Variants in SLC4A4 observed in about 807,000 individuals in gnomAD.
SLC4A4 encodes solute carrier family 4 member 4.
In SLC4A4, 27 loss-of-function variants were observed where a neutral mutation model predicts 111.5. The observed-to-expected ratio is 0.24, with a 90% confidence interval of 0.18 to 0.33. The LOEUF (loss-of-function observed/expected upper bound fraction) is 0.33, where lower values mean the gene tolerates loss of function less well. Ranked by LOEUF, SLC4A4 falls within the 10% of genes least tolerant of loss-of-function variation. The pLI, the probability that SLC4A4 is intolerant of heterozygous loss-of-function variation, is 1.00. For synonymous variants in SLC4A4, 443 were observed against 463.4 expected, an observed-to-expected ratio of 0.96 and a Z score of 0.57; for missense variants, 909 against 1,315.5, an observed-to-expected ratio of 0.69 and a Z score of 4.78.
intron 1 of SLC4A4, among the ~76,000 whole-genome samples, chr4:71,188,655 T>A (rs1371516258): frequency 1.3e-5 from 2 of 152,204 alleles, no homozygotes; most frequent in African/African-American, 4.8e-5. Context: ...TTGGGCTTTT[T>A]TTTTTCATTG....
At chr4:71,188,448 T>C (rs895350684) in intron 1 of SLC4A4, among the ~76,000 whole-genome samples, 2 of 152,190 alleles carry the variant, frequency 1.3e-5, no homozygotes, top group African/African-American at 4.8e-5. Context: ...CCTGGTTCGC[T>C]TCAGTGCCCT....
intron 3 of SLC4A4, among the ~76,000 whole-genome samples, chr4:71,264,681 A>C (rs1187180187): frequency 6.6e-6 from 1 of 152,078 alleles, no homozygotes; most frequent in African/African-American, 2.4e-5. Context: ...TCCTAAGTCA[A>C]TTATTTGTCT....
intron 6 of SLC4A4, among the ~76,000 whole-genome samples, chr4:71,394,402 G>T (rs1246691757): frequency 6.6e-6 from 1 of 152,078 alleles, no homozygotes; most frequent in Admixed American, 6.6e-5. Context: ...TGAAAAAAAT[G>T]CCCAACATCA....
At chr4:71,201,346 G>A (rs910752484) in intron 1 of SLC4A4, among the ~76,000 whole-genome samples, 20 of 152,192 alleles carry the variant, frequency 1.3e-4, no homozygotes, top group African/African-American at 4.6e-4. Context: ...GGCTGCCTCT[G>A]GAGAGGGGTG....
In SLC4A4 at chr4:71,231,535, G is replaced by A. The variant is rs533900111; in HGVS notation, c.-1-5041G>A. On this transcript the variant is annotated intron_variant, in intron 1 of 25. Transcript: ENST00000264485. The stretch of plus-strand genomic sequence containing the variant: ...GAATAAGAAAAACCTTGCTTTGGGT[G>A]TGGACTTCTGTAGAAAGGGTATAAC... 7.8e-4 allele frequency among the ~76,000 whole-genome samples: 119 copies of A among 152,342 alleles called. 3 individuals are homozygous for A. The South Asian group carries it at 0.024, about 31-fold the overall frequency.
intron 3 of SLC4A4, among the ~76,000 whole-genome samples, chr4:71,322,637 T>C (rs1473541537): frequency 6.6e-6 from 1 of 152,010 alleles, no homozygotes; most frequent in Non-Finnish European, 1.5e-5. Flanking sequence ...GTGTTCACTC[T>C]TAAGCAGAGT....
intron 3 of SLC4A4, among the ~76,000 whole-genome samples, chr4:71,271,437 A>C (rs1722694827): frequency 6.6e-6 from 1 of 152,204 alleles, no homozygotes; most frequent in African/African-American, 2.4e-5. Context: ...CTCACATTCT[A>C]CAAAAGATTT....
At chr4:71,452,982 G>A (rs544530007) in intron 11 of SLC4A4, among the ~76,000 whole-genome samples, 71 of 152,252 alleles carry the variant, frequency 4.7e-4, no homozygotes, top group African/African-American at 1.7e-3. Flanking sequence ...CTCCATGAAA[G>A]CAGAGGTTTT....
At chr4:71,156,588 G>GCGCGCGCGCGCA (rs376043069) in intron 2 of SLC4A4, among the ~76,000 whole-genome samples, 4 of 138,512 alleles carry the variant, frequency 2.9e-5, no homozygotes, top group African/African-American at 5.5e-5. Context: ...GCGCGCGCGC[G>GCGCGCGCGCGCA]CACACACACA....
intron 2 of SLC4A4, among the ~76,000 whole-genome samples, chr4:71,154,450 A>G (rs1317910484): frequency 6.6e-6 from 1 of 152,202 alleles, no homozygotes; most frequent in Non-Finnish European, 1.5e-5. Flanking sequence ...CAAATCCATG[A>G]TAATTTTAGA....
At chr4:71,332,884 T>A (rs1728131223) in intron 3 of SLC4A4, among the ~76,000 whole-genome samples, 2 of 152,244 alleles carry the variant, frequency 1.3e-5, no homozygotes, top group South Asian at 4.1e-4. Context: ...TCAATCTCTT[T>A]GTTAAAGTTA....
At chr4:71,266,652 A>G (rs763089544) in intron 3 of SLC4A4, among the ~76,000 whole-genome samples, 2 of 152,154 alleles carry the variant, frequency 1.3e-5, no homozygotes, top group Non-Finnish European at 2.9e-5. Flanking sequence ...AAATGAATGC[A>G]TGATCTCATT....
chr4:71,556,974 C>T (rs1453475), intron 21 of SLC4A4, among the ~76,000 whole-genome samples: 68,467 of 151,730 alleles, frequency 0.45, 16,499 homozygotes, highest in Middle Eastern at 0.56. Context: ...TCGTCACTGG[C>T]AAGGTCAATT....
At chr4:71,343,144 C>T (rs1729029798) in intron 4 of SLC4A4, among the ~76,000 whole-genome samples, 1 of 152,148 alleles carries the variant, frequency 6.6e-6, no homozygotes, top group African/African-American at 2.4e-5. Flanking sequence ...TCTTAATAAA[C>T]ATTTGTTTAA....
intron 2 of SLC4A4, among the ~76,000 whole-genome samples, chr4:71,159,073 A>G (rs950620849): frequency 6.6e-6 from 1 of 152,344 alleles, no homozygotes; most frequent in South Asian, 2.1e-4. Flanking sequence ...AAAGAAAAAT[A>G]GAGACACAAA....
At chr4:71,388,978 T>G (rs1719015373) in intron 6 of SLC4A4, among the ~76,000 whole-genome samples, 1 of 152,156 alleles carries the variant, frequency 6.6e-6, no homozygotes, top group African/African-American at 2.4e-5. Flanking sequence ...GCGGTGAAAT[T>G]TTTGTATTTG....
At chr4:71,567,182 C>T (rs977789955) in intron 25 of SLC4A4, 99 bp downstream of exon 25, 17 of 935,550 alleles carry the variant, frequency 1.8e-5, no homozygotes, top group African/African-American at 8.5e-5. Context: ...TGTTCTCCTT[C>T]GTCTCTATTA....
In SLC4A4 at chr4:71,214,268, C is replaced by T. The variant is rs376347096; in HGVS notation, c.-1-22308C>T. ...GTGTGTCATCCTCAGCCTAGGATGA[C>T]GCTGGCTAATGGCCCTGTAGGGAGG... On this transcript the variant is annotated intron_variant, in intron 1 of 25. Coordinates refer to ENST00000264485, the MANE Select transcript of SLC4A4 (RefSeq NM_001098484.3). Among the ~76,000 whole-genome samples the T allele has an allele frequency of 1.3e-4, 20 of 152,020 alleles. 1 individual carries two copies. The highest frequency in any genetic ancestry group is 8.3e-4 in the South Asian group (4 of 4,806).
chr4:71,524,140 C>A (rs1159562419), intron 16 of SLC4A4, among the ~76,000 whole-genome samples: 1 of 152,164 alleles, frequency 6.6e-6, no homozygotes, highest in East Asian at 1.9e-4. Context: ...ATTCTCCCTG[C>A]AATGTCTTTA....
Sources: allele counts gnomAD v4.1 joint callset (sites outside exome capture counted in the v4.1 genomes callset), GRCh38; gene constraint gnomAD v4.1.1; transcripts MANE v1.5; gene names NCBI Gene and HGNC (gene_info 2026-07-23, HGNC 2026-07-21).